The following PPP1R2 variants were observed in gnomAD, a reference collection of about 807,000 sequenced individuals.
The protein encoded by PPP1R2 is protein phosphatase 1 regulatory inhibitor subunit 2.
A neutral mutation model predicts 29.9 loss-of-function variants in PPP1R2; 16 were observed. The ratio of observed to expected loss-of-function variants is 0.53; its 90% CI spans 0.36 to 0.81. PPP1R2 has a LOEUF of 0.81. Among genes scored for constraint, PPP1R2 ranks in the 30% least tolerant of loss-of-function variants. PPP1R2 has a pLI of 0.00. For missense variants in PPP1R2, 197 were observed against 252.7 expected, an observed-to-expected ratio of 0.78 and a Z score of 1.49; for synonymous variants, 76 against 91.5, an observed-to-expected ratio of 0.83 and a Z score of 0.96.
At chr3:195,534,283 G>C (rs73196136) in intron 1 of PPP1R2, among the ~76,000 whole-genome samples, 1 of 151,932 alleles carries the variant, frequency 6.6e-6, no homozygotes, top group African/African-American at 2.4e-5. Flanking sequence ...ATCTGCAATC[G>C]AGCCACTGTA....
At chr3:195,520,247 T>TG (rs1718703505) in intron 4 of PPP1R2, among the ~76,000 whole-genome samples, 1 of 152,160 alleles carries the variant, frequency 6.6e-6, no homozygotes, top group African/African-American at 2.4e-5. Context: ...TGACCTCAGG[T>TG]GATCCGCCTG....
chr3:195,528,666 T>C (rs933552802), intron 2 of PPP1R2: 10 of 151,694 alleles, frequency 6.6e-5, no homozygotes, highest in African/African-American at 2.2e-4. Flanking sequence ...TGGAAATCTT[T>C]TATTTTTTTC....
rs1718547011 is a variant in PPP1R2 at position 195,516,403 on chromosome 3, TAAAC to T, written c.*489_*492del. ...AGTAACTCTTATAATTCTTTTCAAT[TAAAC>T]AGACAAATCAAGTTGAAGACAAGTG... On this transcript the variant is annotated 3_prime_UTR_variant, in exon 6 of 6. Transcript: ENST00000618156. The T allele has an allele frequency of 1.3e-5, 2 of 152,856 alleles. 1 individual carries two copies. The highest frequency in any genetic ancestry group is 3.9e-4 in the East Asian group (2 of 5,190). 9.5% of individuals were successfully genotyped at this position (152,856 alleles called of 1,614,324 possible).
chr3:195,529,927 T>C, intron 1 of PPP1R2, 26 bp from the exon 2 acceptor site: 1 of 1,506,506 alleles, frequency 6.6e-7, no homozygotes, highest in Non-Finnish European at 9.1e-7. Flanking sequence ...AAAAACGTTT[T>C]TCCCAATGCA....
At chr3:195,517,311 A>C (rs1258030563) in intron 5 of PPP1R2, among the ~76,000 whole-genome samples, 1 of 152,074 alleles carries the variant, frequency 6.6e-6, no homozygotes, top group East Asian at 1.9e-4. Context: ...TCTCCAATGA[A>C]TTGTGTGAAT....
At chr3:195,534,610 T>A (rs1719304122) in intron 1 of PPP1R2, among the ~76,000 whole-genome samples, 1 of 152,052 alleles carries the variant, frequency 6.6e-6, no homozygotes, top group South Asian at 2.1e-4. Context: ...CTTGTGGTTG[T>A]AGAAGGTCTG....
intron 5 of PPP1R2, among the ~76,000 whole-genome samples, chr3:195,517,688 AAAAC>A (rs1457610331): frequency 2.9e-4 from 44 of 152,328 alleles, no homozygotes; most frequent in Middle Eastern, 3.4e-3. Flanking sequence ...AAATGGCGTT[AAAAC>A]AAACAAACAA....
At chr3:195,519,247 T>C (rs1221452153) in intron 4 of PPP1R2, 62 bp from the exon 5 acceptor site, 3 of 1,244,548 alleles carry the variant, frequency 2.4e-6, no homozygotes, top group Non-Finnish European at 3.4e-6. Flanking sequence ...ATGCCTGTTT[T>C]ATAAATAAAA....
At chr3:195,541,277 G>A (rs1719581928) in intron 1 of PPP1R2, among the ~76,000 whole-genome samples, 1 of 152,124 alleles carries the variant, frequency 6.6e-6, no homozygotes, top group Non-Finnish European at 1.5e-5. Context: ...AGAAACTAAA[G>A]AAGCAGAGAT....
In PPP1R2 at chr3:195,516,132, A is replaced by G. The variant is rs538510536; in HGVS notation, c.*764T>C. On this transcript the variant is annotated 3_prime_UTR_variant, in exon 6 of 6. Coordinates refer to ENST00000618156, the MANE Select transcript of PPP1R2 (RefSeq NM_006241.8). ...TTAAAGGGAATGGCGAGATAGCTACATTAGAATATTTATTTTTTTAAAAAA... is the reference window on the plus strand; with the variant it reads ...TTAAAGGGAATGGCGAGATAGCTACGTTAGAATATTTATTTTTTTAAAAAA... 3 of 152,686 alleles carry G rather than the reference A, an allele frequency of 2.0e-5. 1 individual carries two copies. Among genetic ancestry groups the G allele is most frequent in the South Asian group, 4.1e-4 (2 of 4,824 alleles). 9.5% of individuals were successfully genotyped at this position (152,686 alleles called of 1,614,324 possible).
rs1348762642 is a variant in PPP1R2, at chr3:195,515,578, A to G, written c.*1318T>C. On this transcript the variant is annotated 3_prime_UTR_variant, in exon 6 of 6. Coordinates refer to ENST00000618156, the MANE Select transcript of PPP1R2 (RefSeq NM_006241.8). Reference sequence around the variant, plus strand: ...TTCCTGCACTTGGTTGAAGGAAAAAATTCCACCTAATTCTTACTGCGTTAG... The same window carrying G: ...TTCCTGCACTTGGTTGAAGGAAAAAGTTCCACCTAATTCTTACTGCGTTAG... 1 of 152,494 alleles carries G rather than the reference A, an allele frequency of 6.6e-6. No individual in the cohort carries two copies. The highest frequency in any genetic ancestry group is 6.5e-5 in the Admixed American group (1 of 15,278). The allele number at this position is 152,494 out of a possible 1,614,324, so 9.4% of individuals were successfully genotyped here. A position where few individuals can be genotyped will look rare whatever the true frequency, so the allele number is the denominator to read the frequency against.
chr3:195,517,855 A>G (rs915046031), intron 5 of PPP1R2, among the ~76,000 whole-genome samples: 4 of 152,228 alleles, frequency 2.6e-5, no homozygotes, highest in African/African-American at 9.6e-5. Flanking sequence ...TATATGAAAT[A>G]GACTAAAAGG....
At chr3:195,519,879 A>G (rs1718685021) in intron 4 of PPP1R2, among the ~76,000 whole-genome samples, 2 of 151,318 alleles carry the variant, frequency 1.3e-5, no homozygotes, top group Admixed American at 6.6e-5. Flanking sequence ...TTATGAATAC[A>G]TAATTTTAAG....
rs1718519869 is a variant in PPP1R2 at position 195,515,723 on chromosome 3, A to G, written c.*1173T>C. 1 of 152,134 alleles carries G rather than the reference A, an allele frequency of 6.6e-6. No homozygotes were observed. The highest frequency in any genetic ancestry group is 2.1e-4 in the South Asian group (1 of 4,826). 9.4% of individuals were successfully genotyped at this position (152,134 alleles called of 1,614,324 possible). ...CAGGAATAATCATATCACTGGTTAC[A>G]TACAATTCTCATGCAAAGAAAACCC... On this transcript the variant is annotated 3_prime_UTR_variant, in exon 6 of 6. Coordinates refer to ENST00000618156, the MANE Select transcript of PPP1R2 (RefSeq NM_006241.8).
At chr3:195,534,251 G>C (rs1386709330) in intron 1 of PPP1R2, among the ~76,000 whole-genome samples, 1 of 152,156 alleles carries the variant, frequency 6.6e-6, no homozygotes, top group Admixed American at 6.5e-5. Flanking sequence ...CTGAGCCCAG[G>C]AGGTCAAGGC....
chr3:195,536,562 G>A (rs915428059), intron 1 of PPP1R2, among the ~76,000 whole-genome samples: 3 of 151,792 alleles, frequency 2.0e-5, no homozygotes, highest in South Asian at 2.1e-4. Flanking sequence ...TAGGAGGTGG[G>A]CAGATCACCT....
intron 1 of PPP1R2, among the ~76,000 whole-genome samples, chr3:195,537,520 T>TGTGTGTGTG (rs1719441468): frequency 2.6e-5 from 4 of 151,134 alleles, no homozygotes; most frequent in Non-Finnish European, 4.4e-5. Context: ...TGTGTGTGTG[T>TGTGTGTGTG]TTCCATTTCA....
chr3:195,541,595 A>T (rs1347054304), intron 1 of PPP1R2, among the ~76,000 whole-genome samples: 1 of 151,168 alleles, frequency 6.6e-6, no homozygotes, highest in Non-Finnish European at 1.5e-5. Context: ...CCACGCCTGG[A>T]TGTTATTTAT....
chr3:195,522,843 G>C (rs1387149127), intron 4 of PPP1R2, among the ~76,000 whole-genome samples: 1 of 152,162 alleles, frequency 6.6e-6, no homozygotes, highest in African/African-American at 2.4e-5. Flanking sequence ...ACAGGAGGTA[G>C]TCCCTACGCC....
Sources: gnomAD v4.1 joint callset for allele counts (sites outside exome capture counted in the v4.1 genomes callset) on GRCh38, gnomAD v4.1.1 for gene constraint, MANE v1.5 for transcripts, NCBI Gene and HGNC (gene_info 2026-07-23, HGNC 2026-07-21) for gene names.